The following PITPNM2 variants were observed in gnomAD, a reference collection of about 807,000 sequenced individuals.
The protein encoded by PITPNM2 is membrane-associated phosphatidylinositol transfer protein 2.
PITPNM2 carries 35 observed loss-of-function variants against 132.2 expected under a neutral mutation model. The ratio of observed to expected loss-of-function variants is 0.26; its 90% confidence interval spans 0.20 to 0.35. The LOEUF (loss-of-function observed/expected upper bound fraction) is 0.35, where lower values mean the gene tolerates loss of function less well. PITPNM2 is among the 10% of genes least tolerant of loss of function. The pLI is 1.00. For missense variants in PITPNM2, 1,332 were observed against 1,912.0 expected (o/e 0.70, Z 5.66); for synonymous variants, 738 against 799.2 (o/e 0.92, Z 1.29).
At chr12:123,056,948 G>A (rs1170038330) in intron 2 of PITPNM2, among the ~76,000 whole-genome samples, 2 of 152,160 alleles carry the variant, frequency 1.3e-5, no homozygotes, top group Non-Finnish European at 2.9e-5. Flanking sequence ...AGAGGCCACC[G>A]ATCTGCTGCT....
chr12:123,008,986 A>C lies in PITPNM2; in HGVS notation c.643+864T>G. On this transcript the variant is annotated intron_variant, in intron 6 of 25. Coordinates refer to ENST00000320201, the MANE Select transcript of PITPNM2 (RefSeq NM_020845.3). This position sits in a 1 kb window ranked among gnomAD's most constrained non-coding sequence, Gnocchi z 4.1. ...TCAGGACAAGGGTGGCTGGGATGGGAGGCAGATCTAGTTCAGCCCCAGTGT... is the reference window on the plus strand; with the variant it reads ...TCAGGACAAGGGTGGCTGGGATGGGCGGCAGATCTAGTTCAGCCCCAGTGT... 6.6e-6 allele frequency among the ~76,000 whole-genome samples: 1 copy of C among 152,172 alleles called. No homozygotes were observed. Among genetic ancestry groups the C allele is most frequent in the East Asian group, 1.9e-4 (1 of 5,188 alleles).
chr12:122,991,990 G>C, intron 16 of PITPNM2: 1 of 1,186,634 alleles, frequency 8.4e-7, no homozygotes, highest in Non-Finnish European at 1.1e-6. Context: ...AGGGCTCCTC[G>C]AGGACCAGGA....
In PITPNM2 at chr12:123,112,373, A is replaced by T. The variant is rs563066709; in HGVS notation, c.-199-1885T>A. Among the ~76,000 whole-genome samples the T allele has an allele frequency of 6.6e-5, 10 of 152,224 alleles. No homozygotes were observed. In the East Asian group the frequency reaches 1.9e-3, roughly 29 times the overall value. On this transcript the variant is annotated intron_variant, in intron 1 of 25. Coordinates refer to ENST00000320201, the MANE Select transcript of PITPNM2 (RefSeq NM_020845.3). ...ACATGGAAAGTCACAATAAAACACA[A>T]TTCCTTGCTGGGGTTTGTTGCATGT...
intron 3 of PITPNM2, among the ~76,000 whole-genome samples, chr12:123,014,862 C>G (rs2039361916): frequency 6.6e-6 from 1 of 152,120 alleles, no homozygotes; most frequent in Non-Finnish European, 1.5e-5. Flanking sequence ...TAAATAAATT[C>G]AACAAAGTTG....
rs936827872 is a variant in PITPNM2 at position 123,117,019 on chromosome 12, C to A, written c.-199-6531G>T. Among the ~76,000 whole-genome samples, 3 of 152,206 alleles carry A rather than the reference C, an allele frequency of 2.0e-5. No homozygotes were observed. Among genetic ancestry groups the A allele is most frequent in the African/African-American group, 7.2e-5 (3 of 41,440 alleles). On this transcript the variant is annotated intron_variant, in intron 1 of 25. Transcript: ENST00000320201. The surrounding 1 kb of genome is among the most constrained non-coding windows in gnomAD (Gnocchi z 4.7). ...ATAAATAAAATGGCATTTTGCATCA[C>A]TATGTTTGGACGTACTCTGTTAAGC...
chr12:123,025,336 A>G (rs2039818627), intron 3 of PITPNM2, among the ~76,000 whole-genome samples: 1 of 152,200 alleles, frequency 6.6e-6, no homozygotes, highest in South Asian at 2.1e-4. Context: ...TCCAAAACAA[A>G]AAACAGACAA....
intron 1 of PITPNM2, among the ~76,000 whole-genome samples, chr12:123,128,564 T>C (rs1031642498): frequency 1.3e-5 from 2 of 150,000 alleles, no homozygotes; most frequent in African/African-American, 4.9e-5. Flanking sequence ...CCATCTTGGC[T>C]AACATGTTGA....
chr12:123,000,548 T>C lies in PITPNM2; in HGVS notation c.1224+230A>G, dbSNP rs1290318334. ...TTGGATAAGGCTTTCTCAGGGGTTGTCTGTAGTCCCTGGTTCTCGGGGACC... is the reference window on the plus strand; with the variant it reads ...TTGGATAAGGCTTTCTCAGGGGTTGCCTGTAGTCCCTGGTTCTCGGGGACC... On this transcript the variant is annotated intron_variant, in intron 10 of 25. Transcript: ENST00000320201. The surrounding 1 kb of genome is among the most constrained non-coding windows in gnomAD (Gnocchi z 5.4). The C allele has an allele frequency of 1.5e-6, 1 of 684,552 alleles. No homozygotes were observed. Among genetic ancestry groups the C allele is most frequent in the South Asian group, 1.5e-5 (1 of 65,490 alleles). The allele number at this position is 684,552 out of a possible 1,614,324, so 42.4% of individuals were successfully genotyped here. A position where few individuals can be genotyped will look rare whatever the true frequency, so the allele number is the denominator to read the frequency against.
intron 19 of PITPNM2, 49 bp from the exon 20 acceptor site, chr12:122,988,399 C>A (rs200235802): frequency 2.2e-5 from 33 of 1,521,538 alleles, no homozygotes; most frequent in African/African-American, 2.7e-5. Flanking sequence ...CACCCGGGGG[C>A]TTCCTGCCCT....
At chr12:123,130,087 C>A (rs1024384385) in intron 1 of PITPNM2, among the ~76,000 whole-genome samples, 1 of 152,020 alleles carries the variant, frequency 6.6e-6, no homozygotes, top group Non-Finnish European at 1.5e-5. Flanking sequence ...AAATTTTCTG[C>A]AGAGATGGGG....
intron 2 of PITPNM2, among the ~76,000 whole-genome samples, chr12:123,100,399 G>A (rs1295588917): frequency 6.6e-6 from 1 of 152,212 alleles, no homozygotes; most frequent in Non-Finnish European, 1.5e-5. Context: ...GCCAAGGCGG[G>A]TGGATCACCT....
chr12:123,008,664 T>G lies in PITPNM2; in HGVS notation c.643+1186A>C, dbSNP rs1282107511. Among the ~76,000 whole-genome samples, 1 of 152,158 alleles carries G rather than the reference T, an allele frequency of 6.6e-6. No individual in the cohort carries two copies. The highest frequency in any genetic ancestry group is 1.5e-5 in the Non-Finnish European group (1 of 68,022). On this transcript the variant is annotated intron_variant, in intron 6 of 25. Coordinates refer to ENST00000320201, the MANE Select transcript of PITPNM2 (RefSeq NM_020845.3). The surrounding 1 kb of genome is among the most constrained non-coding windows in gnomAD (Gnocchi z 4.1). ...ATCCCTCTCAATGGATGGGACAGCT[T>G]CCTTCTCTTCCTGCCACCTCTCCCA...
intron 3 of PITPNM2, among the ~76,000 whole-genome samples, chr12:123,026,240 C>A (rs566101526): frequency 6.6e-6 from 1 of 152,196 alleles, no homozygotes; most frequent in Non-Finnish European, 1.5e-5. Context: ...AATGTCCCCA[C>A]CAGGCCCTTG....
In PITPNM2 at chr12:122,986,828, G is replaced by T; in HGVS notation, c.3415C>A (p.His1139Asn). Residue 1139 changes from histidine to asparagine, a missense_variant and splice_region_variant, in exon 24 of 26, where the codon CAC becomes AAC. Physicochemically the swap from His to Asn is moderately conservative, Grantham distance 68. This residue lies in a region of PITPNM2 where 251 missense variants were observed against 472.0 expected (regional missense o/e 0.53). Transcript: ENST00000320201. ...VRAGAVDVVRHWQDLGYLIIY... is the reference protein window; with the variant it reads ...VRAGAVDVVRNWQDLGYLIIY... Reference sequence around the variant, plus strand: ...ATGAGGTAGCCCAGGTCCTGCCAGTGCCTGGGGGTGAGGTGTCGTCTCATG... The same window carrying T: ...ATGAGGTAGCCCAGGTCCTGCCAGTTCCTGGGGGTGAGGTGTCGTCTCATG... The T allele has an allele frequency of 6.2e-7, 1 of 1,608,006 alleles. No homozygotes were observed. Among genetic ancestry groups the T allele is most frequent in the Non-Finnish European group, 8.5e-7 (1 of 1,177,014 alleles).
At chr12:123,127,220 T>C (rs928023316) in intron 1 of PITPNM2, among the ~76,000 whole-genome samples, 4 of 152,144 alleles carry the variant, frequency 2.6e-5, no homozygotes, top group Non-Finnish European at 5.9e-5. Flanking sequence ...CACTGAGAGA[T>C]GCTGAACACC....
At chr12:123,146,257 C>A (rs2043616123) in intron 1 of PITPNM2, among the ~76,000 whole-genome samples, 1 of 152,102 alleles carries the variant, frequency 6.6e-6, no homozygotes, top group African/African-American at 2.4e-5. Flanking sequence ...GCCCTCATGA[C>A]ACAAGTCTAC....
rs538170744 is a variant in PITPNM2 at position 123,014,587 on chromosome 12, C to T, written c.79-545G>A. On this transcript the variant is annotated intron_variant, in intron 3 of 25. Transcript: ENST00000320201. Reference sequence around the variant, plus strand: ...GGCATGTGGCACATGCCTGTAGCCCCAGGTACTCAAAGGCTGAAACAGGAG... The same window carrying T: ...GGCATGTGGCACATGCCTGTAGCCCTAGGTACTCAAAGGCTGAAACAGGAG... 1.0e-3 allele frequency among the ~76,000 whole-genome samples: 153 copies of T among 152,206 alleles called. 1 individual carries two copies. The highest frequency in any genetic ancestry group is 6.8e-3 in the Middle Eastern group (2 of 294).
chr12:122,990,692 G>C lies in PITPNM2; in HGVS notation c.2422C>G (p.His808Asp), dbSNP rs776514626. ...CCATGCTCTTGGAAGGCTGCATTGT[G>C]GGTCTGGAGCACATCCGCTGCAGGT... ...STLLADVLQT[H>D]NAAFQEHGAP... is the part of the protein sequence containing the mutation. The change falls in exon 17 of 26, where the codon CAC (histidine) becomes GAC (aspartate). Residue 808 changes from histidine to aspartate, a missense_variant. By Grantham distance (81) the His-to-Asp change is moderately conservative (BLOSUM62 -1). This residue lies in a region of PITPNM2 where 710 missense variants were observed against 911.5 expected (regional missense o/e 0.78). Coordinates refer to ENST00000320201, the MANE Select transcript of PITPNM2 (RefSeq NM_020845.3). The C allele has an allele frequency of 6.2e-7, 1 of 1,609,986 alleles. No individual in the cohort carries two copies. The highest frequency in any genetic ancestry group is 8.5e-7 in the Non-Finnish European group (1 of 1,178,928).
intron 6 of PITPNM2, among the ~76,000 whole-genome samples, chr12:123,006,972 A>C (rs1369944337): frequency 6.6e-6 from 1 of 152,148 alleles, no homozygotes; most frequent in Non-Finnish European, 1.5e-5. Flanking sequence ...AAAACATTAA[A>C]AAGCAATGAG....
Sources: gnomAD v4.1 joint callset for allele counts (sites outside exome capture counted in the v4.1 genomes callset) on GRCh38, gnomAD v4.1.1 for gene constraint, gnomAD v4.1.1 regional missense constraint, Gnocchi (gnomAD v3.1) non-coding constraint, MANE v1.5 for transcripts, NCBI Gene and HGNC (gene_info 2026-07-23, HGNC 2026-07-21) for gene names.